TAS1R1: variants seen among roughly 807,000 people sequenced by gnomAD.
TAS1R1 encodes the protein taste receptor type 1 member 1.
A neutral mutation model predicts 45.8 loss-of-function variants in TAS1R1; 31 were observed. The observed-to-expected ratio is 0.68, with a 90% CI of 0.51 to 0.91. The LOEUF (loss-of-function observed/expected upper bound fraction) is 0.91, where lower values mean the gene tolerates loss of function less well. TAS1R1 is among the 40% of genes least tolerant of loss of function. The pLI, the probability that TAS1R1 is intolerant of heterozygous loss-of-function variation, is 0.00. For missense variants in TAS1R1, 1,051 were observed against 1,063.9 expected (o/e 0.99, Z 0.17); for synonymous variants, 437 against 448.4 (o/e 0.97, Z 0.32).
At chr1:6,567,990 C>T (rs573522390) in intron 1 of TAS1R1, among the ~76,000 whole-genome samples, 15 of 152,042 alleles carry the variant, frequency 9.9e-5, no homozygotes, top group South Asian at 2.1e-4. Flanking sequence ...TGGTATTTAG[C>T]GCGATCTCTT....
At chr1:6,568,177 C>T (rs1027766866) in intron 1 of TAS1R1, among the ~76,000 whole-genome samples, 5 of 151,804 alleles carry the variant, frequency 3.3e-5, no homozygotes, top group South Asian at 2.1e-4. Context: ...CAGCCGGGCG[C>T]GGTGGTTCAC....
At chr1:6,578,468 T>A (rs993843082) in intron 5 of TAS1R1, among the ~76,000 whole-genome samples, 185 bp from the exon 6 acceptor site, 7 of 151,914 alleles carry the variant, frequency 4.6e-5, no homozygotes, top group Admixed American at 2.6e-4. Context: ...CCAGAGTCTG[T>A]AATTAACACA....
chr1:6,556,221 C>T (rs1210121791), intron 1 of TAS1R1, among the ~76,000 whole-genome samples: 1 of 152,060 alleles, frequency 6.6e-6, no homozygotes, highest in East Asian at 1.9e-4. Context: ...TTCAAAGTTC[C>T]CTAGAGTCCC....
intron 1 of TAS1R1, among the ~76,000 whole-genome samples, chr1:6,559,386 A>T (rs1332784295): frequency 6.6e-6 from 1 of 151,672 alleles, no homozygotes; most frequent in East Asian, 2.0e-4. Flanking sequence ...AGCTGGGCAT[A>T]GTGACTCACG....
intron 1 of TAS1R1, among the ~76,000 whole-genome samples, chr1:6,556,667 G>C (rs1478784155): frequency 6.6e-6 from 1 of 151,754 alleles, no homozygotes; most frequent in Admixed American, 6.6e-5. Context: ...CTCCCAAAGT[G>C]CTAGGATTAT....
rs1640319592 is a variant in TAS1R1 at position 6,579,434 on chromosome 1, C to A, written c.2376C>A (p.Asn792Lys). 1 of 1,613,946 alleles carries A rather than the reference C, an allele frequency of 6.2e-7. No homozygotes were observed. The highest frequency in any genetic ancestry group is 1.7e-5 in the Admixed American group (1 of 60,006). ...VYDGKYLPAA[N>K]MMAGLSSLSS... ...ACGGCAAGTACCTGCCTGCGGCCAA[C>A]ATGATGGCTGGGCTGAGCAGCCTGA... Residue 792 changes from asparagine (N) to lysine (K), a missense_variant, in exon 6 of 6, where the codon AAC becomes AAA. By Grantham distance (94) the Asn-to-Lys change is moderately conservative. Coordinates refer to ENST00000333172, the MANE Select transcript of TAS1R1 (RefSeq NM_138697.4).
At chr1:6,572,366 C>T (rs1640040957) in intron 2 of TAS1R1, among the ~76,000 whole-genome samples, 1 of 149,838 alleles carries the variant, frequency 6.7e-6, no homozygotes, top group South Asian at 2.1e-4. Flanking sequence ...CTCAAGCAAT[C>T]CTCCCACCTC....
rs550855155 is a variant in TAS1R1 at position 6,558,587 on chromosome 1, G to A, written c.191+3023G>A. Among the ~76,000 whole-genome samples, 10 of 152,200 alleles carry A rather than the reference G, an allele frequency of 6.6e-5. No homozygotes were observed. In the East Asian group the frequency reaches 1.6e-3, roughly 24 times the overall value. ...ATACAAAAATTAGCCAGGCTTAGTG[G>A]CTGGTGCCTGTAATCCTGGCTACTT... On this transcript the variant is annotated intron_variant, in intron 1 of 5. Coordinates refer to ENST00000333172, the MANE Select transcript of TAS1R1 (RefSeq NM_138697.4).
In TAS1R1 at chr1:6,579,727, C is replaced by T. The variant is rs1640336675; in HGVS notation, c.*143C>T. 13 of 1,148,992 alleles carry T rather than the reference C, an allele frequency of 1.1e-5. No homozygotes were observed. In the East Asian group the frequency reaches 2.6e-4, roughly 23 times the overall value. 71.2% of individuals were successfully genotyped at this position (1,148,992 alleles called of 1,614,324 possible). A position where few individuals can be genotyped will look rare whatever the true frequency, so the allele number is the denominator to read the frequency against. ...CGCCTGGGAGAGCCTAGACCAGGCT[C>T]CGGGCTGCCAATAAAGAAGTGAAAT... On this transcript the variant is annotated 3_prime_UTR_variant, in exon 6 of 6. Transcript: ENST00000333172.
At chr1:6,573,512 A>G (rs1331907707) in intron 2 of TAS1R1, among the ~76,000 whole-genome samples, 6 of 152,098 alleles carry the variant, frequency 3.9e-5, no homozygotes, top group Non-Finnish European at 7.4e-5. Flanking sequence ...GGACATCCTT[A>G]GGGACTCCCT....
intron 1 of TAS1R1, among the ~76,000 whole-genome samples, chr1:6,557,317 C>T (rs1639703690): frequency 1.3e-5 from 2 of 152,082 alleles, no homozygotes; most frequent in South Asian, 4.1e-4. Context: ...GCAGGAGGCA[C>T]GAACCCTCCG....
intron 1 of TAS1R1, among the ~76,000 whole-genome samples, chr1:6,568,016 T>C (rs1053502043): frequency 2.0e-5 from 3 of 152,144 alleles, no homozygotes; most frequent in Admixed American, 1.3e-4. Flanking sequence ...TCTATCTAAT[T>C]TACTTTGCTC....
At chr1:6,568,981 G>A (rs542936247) in intron 1 of TAS1R1, among the ~76,000 whole-genome samples, 7 of 152,318 alleles carry the variant, frequency 4.6e-5, no homozygotes, top group Admixed American at 1.3e-4. Flanking sequence ...ACGTGGACAC[G>A]GACGATCTCC....
intron 2 of TAS1R1, among the ~76,000 whole-genome samples, chr1:6,571,547 T>C (rs1033151539): frequency 6.6e-6 from 1 of 152,240 alleles, no homozygotes; most frequent in African/African-American, 2.4e-5. Context: ...ATGGACATCC[T>C]GGACGGGCGC....
At chr1:6,556,768 T>C (rs2148665511) in intron 1 of TAS1R1, among the ~76,000 whole-genome samples, 1 of 151,718 alleles carries the variant, frequency 6.6e-6, no homozygotes, top group South Asian at 2.1e-4. Context: ...CCCAGCACTT[T>C]GGGAGGCTGA....
chr1:6,575,582 G>A (rs140916622), intron 3 of TAS1R1, among the ~76,000 whole-genome samples, 190 bp downstream of exon 3: 43 of 152,186 alleles, frequency 2.8e-4, no homozygotes, highest in African/African-American at 9.6e-4. Context: ...GTAGTGATGC[G>A]ATCTCGGCTC....
rs1640101412 is a variant in TAS1R1 at position 6,574,422 on chromosome 1, C to T, written c.499-209C>T. On this transcript the variant is annotated intron_variant, in intron 2 of 5. Transcript: ENST00000333172. The surrounding 1 kb of genome is among the most constrained non-coding windows in gnomAD (Gnocchi z 4.3). ...GGTTTTGTCTCCTTTGCTTGGAATG[C>T]ATCCCCTCACCCCTTGTCCCCAGGC... 6.6e-6 allele frequency among the ~76,000 whole-genome samples: 1 copy of T among 152,230 alleles called. No homozygotes were observed. The highest frequency in any genetic ancestry group is 6.5e-5 in the Admixed American group (1 of 15,288).
chr1:6,576,043 TGGTCTC>T (rs1238437206), intron 3 of TAS1R1, among the ~76,000 whole-genome samples: 1 of 151,968 alleles, frequency 6.6e-6, no homozygotes, highest in Non-Finnish European at 1.5e-5. Context: ...TTGGCCAGGC[TGGTCTC>T]GAACTCCTGG....
Position 6,578,979 on chromosome 1 carries a change from G to A in TAS1R1, c.1921G>A (p.Gly641Ser), listed in dbSNP as rs752698135. Residue 641 changes from glycine (G) to serine (S), a missense_variant, in exon 6 of 6, where the codon GGT becomes AGT. Coordinates refer to ENST00000333172, the MANE Select transcript of TAS1R1 (RefSeq NM_138697.4). ...GCTACGCCAGGCCCTCTTTGCCCTTGGTTTCACCATCTTCCTGTCCTGCCT... is the reference window on the plus strand; with the variant it reads ...GCTACGCCAGGCCCTCTTTGCCCTTAGTTTCACCATCTTCCTGTCCTGCCT... The part of the protein sequence containing the change: ...CLLRQALFAL[G>S]FTIFLSCLTV... 10 of 1,614,022 alleles carry A rather than the reference G, an allele frequency of 6.2e-6. No homozygotes were observed. Among genetic ancestry groups the A allele is most frequent in the Non-Finnish European group, 7.6e-6 (9 of 1,180,010 alleles).
Sources: allele counts gnomAD v4.1 joint callset (sites outside exome capture counted in the v4.1 genomes callset), GRCh38; gene constraint gnomAD v4.1.1; non-coding constraint Gnocchi (gnomAD v3.1); transcripts MANE v1.5; gene names NCBI Gene and HGNC (gene_info 2026-07-23, HGNC 2026-07-21).